GNG7: variants seen among roughly 807,000 people sequenced by gnomAD.
GNG7 encodes guanine nucleotide-binding protein G(I)/G(S)/G(O) subunit gamma-7.
GNG7 carries 1 observed loss-of-function variant against 4.0 expected under a neutral mutation model. The ratio of observed to expected loss-of-function variants is 0.25; its 90% CI spans 0.09 to 1.18. The LOEUF (loss-of-function observed/expected upper bound fraction) is 1.18, where lower values mean the gene tolerates loss of function less well. Ranked by LOEUF, GNG7 falls within the 50% of genes most tolerant of loss-of-function variation. The pLI is 0.50. For synonymous variants in GNG7, 34 were observed against 36.9 expected (o/e 0.92, Z 0.29); for missense variants, 86 against 91.9 (o/e 0.94, Z 0.26).
In GNG7 at chr19:2,514,853, G is replaced by A. The variant is rs917744551; in HGVS notation, c.*169C>T. On this transcript the variant is annotated 3_prime_UTR_variant, in exon 5 of 5. Transcript: ENST00000382159. The stretch of plus-strand genomic sequence containing the variant: ...TCTACCCCATCCGGGCGGTGGGAAC[G>A]CCTTTTTTGGCGGGGAGAGGGGGGA... 6 of 590,998 alleles carry A rather than the reference G, an allele frequency of 1.0e-5. No homozygotes were observed. Among genetic ancestry groups the A allele is most frequent in the South Asian group, 4.1e-5 (2 of 49,168 alleles). 36.6% of individuals were successfully genotyped at this position (590,998 alleles called of 1,614,324 possible). A position where few individuals can be genotyped will look rare whatever the true frequency, so the allele number is the denominator to read the frequency against.
chr19:2,661,311 A>AGAAG (rs1983164876), intron 1 of GNG7, among the ~76,000 whole-genome samples: 1 of 141,250 alleles, frequency 7.1e-6, no homozygotes, highest in East Asian at 2.1e-4. Context: ...AGAGAAAGAA[A>AGAAG]GAAAGAAAGA....
intron 2 of GNG7, among the ~76,000 whole-genome samples, chr19:2,581,825 G>A (rs1017268288): frequency 6.6e-6 from 1 of 152,228 alleles, no homozygotes; most frequent in Non-Finnish European, 1.5e-5. Context: ...AAGGTGACAA[G>A]TGGCCAGTTG....
intron 2 of GNG7, among the ~76,000 whole-genome samples, chr19:2,572,635 C>T (rs1980184902): frequency 6.7e-6 from 1 of 149,382 alleles, no homozygotes; most frequent in African/African-American, 2.5e-5. Context: ...GATCTGTTGC[C>T]CAGGCCGGAC....
At chr19:2,635,651 C>T (rs1000181182) in intron 2 of GNG7, among the ~76,000 whole-genome samples, 6 of 151,096 alleles carry the variant, frequency 4.0e-5, no homozygotes, top group African/African-American at 1.5e-4. Context: ...GGTGCAATCT[C>T]GGCTCACTGC....
In GNG7 at chr19:2,512,813, G is replaced by A; in HGVS notation, c.*2209C>T. 1 of 733,534 alleles carries A rather than the reference G, an allele frequency of 1.4e-6. No individual in the cohort carries two copies. The allele number at this position is 733,534 out of a possible 1,614,324, so 45.4% of individuals were successfully genotyped here. On this transcript the variant is annotated 3_prime_UTR_variant, in exon 5 of 5. Transcript: ENST00000382159. This position sits in a 1 kb window ranked among gnomAD's most constrained non-coding sequence, Gnocchi z 4.7. ...AAGATGGCTTGTTGGAAAGGGTGGA[G>A]GCAGGCGGGCTCTCCCTGCCTGGGG...
chr19:2,697,251 T>A (rs905886012), intron 1 of GNG7, among the ~76,000 whole-genome samples: 2 of 152,230 alleles, frequency 1.3e-5, no homozygotes, highest in Non-Finnish European at 2.9e-5. Context: ...TAAAAAGCAG[T>A]AAGACTTTTC....
chr19:2,701,593 C>A (rs996815725), intron 1 of GNG7, among the ~76,000 whole-genome samples: 52 of 150,910 alleles, frequency 3.4e-4, no homozygotes, highest in Non-Finnish European at 2.8e-4. Flanking sequence ...GGCCGTCAAT[C>A]ACACCCCCCC....
intron 2 of GNG7, among the ~76,000 whole-genome samples, chr19:2,619,963 G>A (rs1046036154): frequency 2.0e-5 from 3 of 151,618 alleles, no homozygotes. Flanking sequence ...GGAGGACGAG[G>A]GGGGGGCGCG....
intron 2 of GNG7, among the ~76,000 whole-genome samples, chr19:2,625,162 G>A (rs1037635717): frequency 6.6e-5 from 10 of 152,140 alleles, no homozygotes; most frequent in African/African-American, 9.7e-5. Context: ...TCCGCCTCCC[G>A]GGTTCAAGCA....
intron 3 of GNG7, among the ~76,000 whole-genome samples, chr19:2,550,813 A>C (rs1979293129): frequency 6.6e-6 from 1 of 152,146 alleles, no homozygotes; most frequent in Non-Finnish European, 1.5e-5. Flanking sequence ...GAACTAAAGG[A>C]ATTGGAGCAG....
In GNG7 at chr19:2,600,197, AT is replaced by A. The variant is rs199908271; in HGVS notation, c.-77-45010del. On this transcript the variant is annotated intron_variant, in intron 2 of 4. Transcript: ENST00000382159. ...ACAAGTTAACATAATCCCATTAAAT[AT>A]TTTTTTAAACCATATATTTTATATT... 6.7e-3 allele frequency among the ~76,000 whole-genome samples: 1,020 copies of A among 151,570 alleles called. 6 individuals are homozygous for A. Among genetic ancestry groups the A allele is most frequent in the African/African-American group, 0.024 (975 of 41,268 alleles).
At chr19:2,566,405 CT>C (rs1670901370) in intron 2 of GNG7, among the ~76,000 whole-genome samples, 1 of 152,168 alleles carries the variant, frequency 6.6e-6, no homozygotes, top group African/African-American at 2.4e-5. Flanking sequence ...TGGCCTTGGA[CT>C]TCCGGTCTCC....
chr19:2,514,983 AGAAAG>A lies in GNG7; in HGVS notation c.*34_*38del. 7.5e-6 allele frequency: 10 copies of A among 1,333,246 alleles called. No individual in the cohort carries two copies. Among genetic ancestry groups the A allele is most frequent in the East Asian group, 2.5e-5 (1 of 39,356 alleles). The allele number at this position is 1,333,246 out of a possible 1,614,324, so 82.6% of individuals were successfully genotyped here. Reference sequence around the variant, plus strand: ...GAGACAGAGACAGAGAGAGAGAGAGAGAAAGAGAGAGAGAGAGAGAGAACATATGA... The same window carrying A: ...GAGACAGAGACAGAGAGAGAGAGAGAAGAGAGAGAGAGAGAGAACATATGA... On this transcript the variant is annotated 3_prime_UTR_variant, in exon 5 of 5. Transcript: ENST00000382159.
chr19:2,603,621 GGGC>G (rs1823043967), intron 2 of GNG7, among the ~76,000 whole-genome samples: 1 of 152,198 alleles, frequency 6.6e-6, no homozygotes, highest in African/African-American at 2.4e-5. Flanking sequence ...CACCCTTGCG[GGGC>G]GGCGGCTAAA....
intron 4 of GNG7, among the ~76,000 whole-genome samples, chr19:2,520,138 G>A (rs11672612): frequency 0.58 from 87,444 of 151,994 alleles, 25,223 homozygotes; most frequent in Non-Finnish European, 0.6. Context: ...CCGAGATCGC[G>A]CCACTGCACT....
At chr19:2,523,704 C>T (rs971199692) in intron 3 of GNG7, among the ~76,000 whole-genome samples, 2 of 152,110 alleles carry the variant, frequency 1.3e-5, no homozygotes, top group Admixed American at 6.6e-5. Context: ...TGTCTGGCTG[C>T]GATCCTGCCC....
chr19:2,603,313 C>A (rs1044554533), intron 2 of GNG7, among the ~76,000 whole-genome samples: 2 of 152,240 alleles, frequency 1.3e-5, no homozygotes, highest in African/African-American at 4.8e-5. Context: ...GATCCACCCG[C>A]CTCGGCCTCC....
intron 3 of GNG7, among the ~76,000 whole-genome samples, chr19:2,531,011 G>A (rs537837732): frequency 6.6e-6 from 1 of 152,116 alleles, no homozygotes; most frequent in East Asian, 1.9e-4. Flanking sequence ...TGCACTGTAA[G>A]AGTAACGGTC....
At chr19:2,637,369 G>A (rs1307127260) in intron 2 of GNG7, among the ~76,000 whole-genome samples, 3 of 152,014 alleles carry the variant, frequency 2.0e-5, no homozygotes, top group Non-Finnish European at 2.9e-5. Context: ...CTCCTGGAGA[G>A]GCTGCCACCC....
Sources: gnomAD v4.1 joint callset for allele counts (sites outside exome capture counted in the v4.1 genomes callset) on GRCh38, gnomAD v4.1.1 for gene constraint, Gnocchi (gnomAD v3.1) non-coding constraint, MANE v1.5 for transcripts, NCBI Gene and HGNC (gene_info 2026-07-23, HGNC 2026-07-21) for gene names.